Variants in RPH3A observed in about 807,000 individuals in gnomAD.
The protein encoded by RPH3A is rabphilin-3A.
Under a neutral mutation model 102.2 loss-of-function variants are expected in RPH3A, and 48 were observed. The observed-to-expected ratio is 0.47, with a 90% confidence interval of 0.37 to 0.60. The LOEUF (loss-of-function observed/expected upper bound fraction) is 0.60. Ranked by LOEUF, RPH3A falls within the 20% of genes least tolerant of loss-of-function variation. The probability of loss-of-function intolerance (pLI) is 0.00; values close to 1 mark genes in which losing one functional copy is unlikely to be tolerated. For synonymous variants in RPH3A, 310 were observed against 324.3 expected (o/e 0.96, Z 0.47); for missense variants, 781 against 910.1 (o/e 0.86, Z 1.83).
chr12:112,758,378 G>T (rs1223168091), intron 1 of RPH3A, among the ~76,000 whole-genome samples: 1 of 152,184 alleles, frequency 6.6e-6, no homozygotes, highest in African/African-American at 2.4e-5. Flanking sequence ...ATTTTCTAGA[G>T]AACCTCTGTT....
chr12:112,847,956 C>G, intron 5 of RPH3A, 114 bp downstream of exon 5: 14 of 1,215,816 alleles, frequency 1.2e-5, no homozygotes, highest in Non-Finnish European at 1.6e-5. Flanking sequence ...TGGGCTTTGC[C>G]ATTTGTGACT....
chr12:112,885,716 T>C (rs2042992125), intron 16 of RPH3A, among the ~76,000 whole-genome samples: 1 of 152,118 alleles, frequency 6.6e-6, no homozygotes, highest in Admixed American at 6.5e-5. Flanking sequence ...TTAAAATAAA[T>C]GTCTTTTTTA....
At chr12:112,674,950 A>G (rs2040163355) in intron 1 of RPH3A, among the ~76,000 whole-genome samples, 1 of 152,208 alleles carries the variant, frequency 6.6e-6, no homozygotes, top group Admixed American at 6.5e-5. Flanking sequence ...AGTTTGTCAC[A>G]GTAGCTGTAG....
intron 2 of RPH3A, among the ~76,000 whole-genome samples, chr12:112,805,982 G>A (rs2041454115): frequency 6.6e-6 from 1 of 152,116 alleles, no homozygotes; most frequent in South Asian, 2.1e-4. Context: ...GATGTAAATG[G>A]ACTTGTCAAA....
chr12:112,848,590 TGCACAGTTCCTGACCCAG>T (rs1299264220), intron 5 of RPH3A, among the ~76,000 whole-genome samples: 2 of 152,190 alleles, frequency 1.3e-5, no homozygotes, highest in Non-Finnish European at 1.5e-5. Context: ...GGATGACACA[TGCACAGTTCCTGACCCAG>T]GCTCTGGTGA....
At chr12:112,608,114 T>C (rs1160150678) in intron 1 of RPH3A, among the ~76,000 whole-genome samples, 2 of 151,588 alleles carry the variant, frequency 1.3e-5, no homozygotes, top group Admixed American at 6.6e-5. Context: ...CTCCTCTTTC[T>C]TTTTCTTTTT....
At chr12:112,720,990 C>G (rs956428382) in intron 1 of RPH3A, among the ~76,000 whole-genome samples, 1 of 152,198 alleles carries the variant, frequency 6.6e-6, no homozygotes, top group Non-Finnish European at 1.5e-5. Flanking sequence ...CCTCCATTTA[C>G]TAATTATGAC....
At chr12:112,655,790 C>T (rs1566244978) in intron 1 of RPH3A, among the ~76,000 whole-genome samples, 1 of 151,894 alleles carries the variant, frequency 6.6e-6, no homozygotes, top group Non-Finnish European at 1.5e-5. Context: ...CCAGGCTGTT[C>T]TTGAACTCCT....
At chr12:112,831,746 T>C (rs925361069) in intron 3 of RPH3A, 3 of 455,702 alleles carry the variant, frequency 6.6e-6, no homozygotes, top group South Asian at 1.5e-5. Context: ...TTCTTGAAGG[T>C]TGCAGCATTC....
At chr12:112,772,678 C>T (rs1441118528) in intron 1 of RPH3A, among the ~76,000 whole-genome samples, 1 of 151,968 alleles carries the variant, frequency 6.6e-6, no homozygotes, top group Non-Finnish European at 1.5e-5. Context: ...GTAGTATTGT[C>T]ATTTGGGGCA....
chr12:112,896,790 C>T lies in RPH3A; in HGVS notation c.*10C>T, dbSNP rs1171743898. On this transcript the variant is annotated 3_prime_UTR_variant, in exon 22 of 22. Transcript: ENST00000389385. ...CGTGTCAAGTGATTAGGCTAGTGCC[C>T]AGGTCCCCATCTCCATGTCCCGGGT... 6.2e-7 allele frequency: 1 copy of T among 1,613,624 alleles called. No individual in the cohort carries two copies. The highest frequency in any genetic ancestry group is 1.7e-5 in the Admixed American group (1 of 60,010).
chr12:112,681,006 G>C (rs2040222674), intron 1 of RPH3A, among the ~76,000 whole-genome samples: 1 of 151,908 alleles, frequency 6.6e-6, no homozygotes, highest in African/African-American at 2.4e-5. Context: ...TTGGTTCTAA[G>C]GTTTGAAGTG....
At chr12:112,692,474 A>G (rs2040313626) in intron 1 of RPH3A, among the ~76,000 whole-genome samples, 2 of 152,196 alleles carry the variant, frequency 1.3e-5, no homozygotes, top group South Asian at 4.1e-4. Context: ...ATTGAATGTG[A>G]GTCAATTCTG....
At chr12:112,751,059 A>G (rs1380004831) in intron 1 of RPH3A, among the ~76,000 whole-genome samples, 1 of 152,218 alleles carries the variant, frequency 6.6e-6, no homozygotes, top group Admixed American at 6.5e-5. Context: ...GAGCTGCTGA[A>G]TCAAGTCATC....
rs531472481 is a variant in RPH3A, at chr12:112,860,741, C to A, written c.231-4673C>A. Reference sequence around the variant, plus strand: ...CTAGATTCTAGCTGTGGCTGAGTGACCCAGGCAAGCGGCCCACTCTCTCTG... The same window carrying A: ...CTAGATTCTAGCTGTGGCTGAGTGAACCAGGCAAGCGGCCCACTCTCTCTG... On this transcript the variant is annotated intron_variant, in intron 5 of 21. Coordinates refer to ENST00000389385, the MANE Select transcript of RPH3A (RefSeq NM_001143854.2). Among the ~76,000 whole-genome samples, 12 of 152,238 alleles carry A rather than the reference C, an allele frequency of 7.9e-5. No individual in the cohort carries two copies. The South Asian group carries it at 1.2e-3, about 16-fold the overall frequency.
At chr12:112,663,604 G>A (rs941764177) in intron 1 of RPH3A, among the ~76,000 whole-genome samples, 1 of 152,070 alleles carries the variant, frequency 6.6e-6, no homozygotes, top group Non-Finnish European at 1.5e-5. Context: ...TGATTTTCCT[G>A]CCTTGGCCTA....
At chr12:112,829,535 G>C (rs1313326012) in intron 3 of RPH3A, among the ~76,000 whole-genome samples, 1 of 152,136 alleles carries the variant, frequency 6.6e-6, no homozygotes, top group Non-Finnish European at 1.5e-5. Context: ...GCCTCCCAAA[G>C]TGCTGGGATT....
chr12:112,596,163 AC>A (rs1784125456), intron 1 of RPH3A, among the ~76,000 whole-genome samples: 1 of 150,606 alleles, frequency 6.6e-6, no homozygotes, highest in African/African-American at 2.4e-5. Flanking sequence ...TATTTTTGAG[AC>A]AAGACCTCAC....
chr12:112,864,543 T>C (rs2042576127), intron 5 of RPH3A, among the ~76,000 whole-genome samples: 1 of 151,852 alleles, frequency 6.6e-6, no homozygotes, highest in Admixed American at 6.6e-5. Flanking sequence ...CACAAGTGTG[T>C]GTGTTTGTTA....
Sources: gnomAD v4.1 joint callset for allele counts (sites outside exome capture counted in the v4.1 genomes callset) on GRCh38, gnomAD v4.1.1 for gene constraint, MANE v1.5 for transcripts, NCBI Gene and HGNC (gene_info 2026-07-23, HGNC 2026-07-21) for gene names.